Variants in NAV2 observed in about 807,000 individuals in gnomAD.
NAV2 encodes helicase, APC down-regulated 1.
NAV2 carries 54 observed loss-of-function variants against 223.2 expected under a neutral mutation model. The ratio of observed to expected loss-of-function variants is 0.24; its 90% CI spans 0.19 to 0.30. The LOEUF is 0.30. Ranked by LOEUF, NAV2 falls within the 10% of genes least tolerant of loss-of-function variation. The pLI is 1.00. For missense variants in NAV2, 2,806 were observed against 3,147.5 expected (o/e 0.89, Z 2.60); for synonymous variants, 1,279 against 1,239.3 (o/e 1.03, Z -0.67).
chr11:19,622,989 G>C (rs1409964369), intron 1 of NAV2, among the ~76,000 whole-genome samples: 2 of 152,124 alleles, frequency 1.3e-5, no homozygotes, highest in Non-Finnish European at 2.9e-5. Context: ...GCATTTGCTT[G>C]TCTGTAAAGG....
the NAV2 span, among the ~76,000 whole-genome samples, chr11:19,345,364 G>A: frequency 6.6e-6 from 1 of 152,228 alleles, no homozygotes; most frequent in Non-Finnish European, 1.5e-5. The surrounding 1 kb of genome is among the most constrained non-coding windows in gnomAD (Gnocchi z 5.2). Flanking sequence ...GGACTGCCCG[G>A]CGGCGGGACC....
rs779985430 is a variant in NAV2, at chr11:20,083,052, A to G, written c.5371A>G (p.Lys1791Glu). 6.2e-7 allele frequency: 1 copy of G among 1,614,122 alleles called. No individual in the cohort carries two copies. The highest frequency in any genetic ancestry group is 8.5e-7 in the Non-Finnish European group (1 of 1,180,010). ...KQAFGKKKSPKSASSHSDIEE... is the reference protein window; with the variant it reads ...KQAFGKKKSPESASSHSDIEE... ...AGCTTTCGGGAAGAAGAAGTCCCCAAAATCTGCGTCCTCTCATTCAGATAT... is the reference window on the plus strand; with the variant it reads ...AGCTTTCGGGAAGAAGAAGTCCCCAGAATCTGCGTCCTCTCATTCAGATAT... The change falls in exon 26 of 38, where the codon AAA (lysine) becomes GAA (glutamate). Residue 1791 changes from lysine to glutamate, a missense_variant. Lys to Glu is a moderately conservative substitution (Grantham distance 56, BLOSUM62 1). Coordinates refer to ENST00000349880, the MANE Select transcript of NAV2 (RefSeq NM_145117.5).
intron 1 of NAV2, among the ~76,000 whole-genome samples, chr11:19,356,109 C>T (rs572250202): frequency 5.3e-4 from 81 of 152,322 alleles, no homozygotes; most frequent in African/African-American, 1.9e-3. Flanking sequence ...TAGGGCCCAC[C>T]TGTCTTCCTG....
chr11:19,642,147 G>A (rs370888014), intron 1 of NAV2, among the ~76,000 whole-genome samples: 5 of 152,214 alleles, frequency 3.3e-5, no homozygotes, highest in African/African-American at 4.8e-5. Context: ...TCCCTATGCC[G>A]TATCTCTACT....
chr11:20,031,608 T>C (rs542102856), intron 11 of NAV2, among the ~76,000 whole-genome samples: 1 of 152,320 alleles, frequency 6.6e-6, no homozygotes, highest in East Asian at 1.9e-4. Context: ...ACTCAAGCGA[T>C]GTCAAAGGCA....
At chr11:20,002,685 C>T (rs895074509) in intron 11 of NAV2, among the ~76,000 whole-genome samples, 1 of 152,118 alleles carries the variant, frequency 6.6e-6, no homozygotes, top group African/African-American at 2.4e-5. Context: ...TGAAGGCCAA[C>T]CACTTGTTTT....
intron 1 of NAV2, among the ~76,000 whole-genome samples, chr11:19,638,039 A>T (rs1020032934): frequency 3.3e-5 from 5 of 152,202 alleles, no homozygotes; most frequent in African/African-American, 1.2e-4. Context: ...TAACCTTAGG[A>T]GGTATATATT....
chr11:19,559,194 T>C (rs2045010888), intron 1 of NAV2, among the ~76,000 whole-genome samples: 2 of 152,226 alleles, frequency 1.3e-5, no homozygotes, highest in Admixed American at 6.5e-5. Context: ...AAGTCCTCCA[T>C]ACATGGAAGC....
chr11:20,078,173 A>G, intron 24 of NAV2, 69 bp downstream of exon 24: 1 of 1,062,062 alleles, frequency 9.4e-7, no homozygotes, highest in African/African-American at 1.6e-5. Context: ...CTGACATCAT[A>G]TGATGCAACC....
intron 37 of NAV2, among the ~76,000 whole-genome samples, chr11:20,117,020 A>G: frequency 6.6e-6 from 1 of 152,164 alleles, no homozygotes; most frequent in East Asian, 1.9e-4. Context: ...GTGCAGATGG[A>G]CACCAGATGA....
At chr11:20,085,168 G>A (rs1038690026) in intron 26 of NAV2, among the ~76,000 whole-genome samples, 1 of 150,534 alleles carries the variant, frequency 6.6e-6, no homozygotes, top group Non-Finnish European at 1.5e-5. Flanking sequence ...TCCAGCCTGG[G>A]TGACAGAGTA....
chr11:20,062,808 C>T (rs1196791915), intron 20 of NAV2, among the ~76,000 whole-genome samples: 2 of 152,206 alleles, frequency 1.3e-5, no homozygotes, highest in Non-Finnish European at 2.9e-5. Flanking sequence ...GATTCTCCTG[C>T]CTCAGCTTCC....
Position 19,715,694 on chromosome 11 carries a change from G to GA in NAV2, c.267+1740dup, listed in dbSNP as rs564407918. Among the ~76,000 whole-genome samples the GA allele has an allele frequency of 3.9e-4, 60 of 152,052 alleles. 1 individual carries two copies. The highest frequency in any genetic ancestry group is 6.5e-4 in the Non-Finnish European group (44 of 67,958). ...AAAGGTGATTCATCACCCTGTCCGT[G>GA]AAAAAAAATGTTCTTCAGCTTCTCT... On this transcript the variant is annotated intron_variant, in intron 1 of 37. Transcript: ENST00000349880.
intron 1 of NAV2, chr11:19,506,776 A>G: frequency 6.6e-6 from 1 of 152,296 alleles, no homozygotes; most frequent in East Asian, 1.9e-4. Context: ...GCCACCCAGA[A>G]AGGAGCTTCA....
In NAV2 at chr11:19,662,642, G is replaced by T. The variant is rs57649897; in HGVS notation, c.76-169842G>T. Among the ~76,000 whole-genome samples the T allele has an allele frequency of 6.3e-3, 960 of 152,348 alleles. 9 individuals are homozygous for T. Among genetic ancestry groups the T allele is most frequent in the African/African-American group, 0.022 (914 of 41,588 alleles). Reference sequence around the variant, plus strand: ...CTGGCACCCCAGTGGCACCGGACAGGCCTGCCTGTGAGCCTTCTTTCCATT... The same window carrying T: ...CTGGCACCCCAGTGGCACCGGACAGTCCTGCCTGTGAGCCTTCTTTCCATT... On this transcript the variant is annotated intron_variant, in intron 1 of 37. Transcript: ENST00000360655.
intron 1 of NAV2, among the ~76,000 whole-genome samples, chr11:19,361,653 G>T (rs190917714): frequency 1.3e-5 from 2 of 152,278 alleles, no homozygotes; most frequent in South Asian, 2.1e-4. Context: ...GCTTGAAAAC[G>T]TGAGTGTGGG....
intron 1 of NAV2, among the ~76,000 whole-genome samples, chr11:19,722,449 C>T (rs1590178122): frequency 6.6e-6 from 1 of 152,168 alleles, no homozygotes; most frequent in East Asian, 1.9e-4. Flanking sequence ...CACACAAAAT[C>T]AGTTTAGTGT....
At chr11:19,392,662 T>C (rs534378295) in intron 1 of NAV2, among the ~76,000 whole-genome samples, 56 of 152,286 alleles carry the variant, frequency 3.7e-4, no homozygotes, top group African/African-American at 1.3e-3. Flanking sequence ...ATTCTGTTCA[T>C]TGGGAGTGAG....
intron 3 of NAV2, among the ~76,000 whole-genome samples, chr11:19,854,329 G>A (rs2061310403): frequency 6.6e-6 from 1 of 152,222 alleles, no homozygotes; most frequent in African/African-American, 2.4e-5. Flanking sequence ...AAACTGGTCA[G>A]GTCAGTGGAC....
Sources: allele counts gnomAD v4.1 joint callset (sites outside exome capture counted in the v4.1 genomes callset), GRCh38; gene constraint gnomAD v4.1.1; non-coding constraint Gnocchi (gnomAD v3.1); transcripts MANE v1.5; gene names NCBI Gene and HGNC (gene_info 2026-07-23, HGNC 2026-07-21).